CDH7: variants seen among roughly 807,000 people sequenced by gnomAD.
The protein encoded by CDH7 is cadherin-7.
A neutral mutation model predicts 71.8 loss-of-function variants in CDH7; 25 were observed. The ratio of observed to expected loss-of-function variants is 0.35; its 90% CI spans 0.25 to 0.49. The LOEUF is 0.49. Among genes scored for constraint, CDH7 ranks in the 20% least tolerant of loss-of-function variants. The pLI is 0.99. For missense variants in CDH7, 862 were observed against 974.6 expected, an observed-to-expected ratio of 0.88 and a Z score of 1.54; for synonymous variants, 381 against 363.8, an observed-to-expected ratio of 1.05 and a Z score of -0.54.
chr18:65,853,549 A>C (rs1913222785), intron 7 of CDH7, among the ~76,000 whole-genome samples: 1 of 151,550 alleles, frequency 6.6e-6, no homozygotes, highest in Admixed American at 6.6e-5. Flanking sequence ...GTTTTTTTGC[A>C]TGTCCAGAGG....
At chr18:65,833,265 A>G (rs1202753261) in intron 6 of CDH7, among the ~76,000 whole-genome samples, 1 of 152,156 alleles carries the variant, frequency 6.6e-6, no homozygotes, top group Non-Finnish European at 1.5e-5. Flanking sequence ...TTGTACTGAA[A>G]TGTGTCTTTT....
At chr18:65,828,158 T>G (rs1912200034) in intron 6 of CDH7, among the ~76,000 whole-genome samples, 1 of 152,030 alleles carries the variant, frequency 6.6e-6, no homozygotes. Flanking sequence ...ATTTTTATTA[T>G]CTGTTAATAT....
At chr18:65,857,093 T>G (rs1373589444) in intron 7 of CDH7, among the ~76,000 whole-genome samples, 1 of 151,128 alleles carries the variant, frequency 6.6e-6, no homozygotes, top group East Asian at 1.9e-4. Flanking sequence ...TATATGCAAA[T>G]GGGCAAGATG....
In CDH7 at chr18:65,845,450, G is replaced by T. The variant is rs1912903863; in HGVS notation, c.1235+1385G>T. Among the ~76,000 whole-genome samples the T allele has an allele frequency of 2.0e-5, 3 of 152,088 alleles. No homozygotes were observed. The South Asian group carries it at 6.2e-4, about 32-fold the overall frequency. Reference sequence around the variant, plus strand: ...TAGAATAAGCCTTCCCCTCTTCTCTGTAATTGCCCTGCCTTCATGGTCAAG... The same window carrying T: ...TAGAATAAGCCTTCCCCTCTTCTCTTTAATTGCCCTGCCTTCATGGTCAAG... On this transcript the variant is annotated intron_variant, in intron 7 of 11. Transcript: ENST00000397968.
rs1309862298 is a variant in CDH7, at chr18:65,822,752, C to T, written c.793+504C>T. 2.0e-5 allele frequency among the ~76,000 whole-genome samples: 3 copies of T among 151,758 alleles called. No individual in the cohort carries two copies. In the East Asian group the frequency reaches 5.8e-4, roughly 29 times the overall value. On this transcript the variant is annotated intron_variant, in intron 5 of 11. Transcript: ENST00000397968. The stretch of plus-strand genomic sequence containing the variant: ...ACACTGAACATTCCTTTAGCAGTTC[C>T]CCCACGTCTTTCTTGTGCAAACATT...
chr18:65,837,924 ATTT>A (rs67650944), intron 6 of CDH7, among the ~76,000 whole-genome samples: 1 of 133,320 alleles, frequency 7.5e-6, no homozygotes, highest in Non-Finnish European at 1.6e-5. Flanking sequence ...ATTTAGAGTA[ATTT>A]TTTTTTTTTT....
chr18:65,876,002 G>A (rs1914062394), intron 11 of CDH7, among the ~76,000 whole-genome samples: 1 of 152,142 alleles, frequency 6.6e-6, no homozygotes, highest in South Asian at 2.1e-4. Flanking sequence ...TTGTAAAATA[G>A]TTCGCAGTAG....
At chr18:65,849,778 T>C (rs1251678912) in intron 7 of CDH7, among the ~76,000 whole-genome samples, 2 of 152,156 alleles carry the variant, frequency 1.3e-5, no homozygotes, top group Non-Finnish European at 2.9e-5. Context: ...AAGACTTTCT[T>C]AGTTACCTTT....
intron 9 of CDH7, among the ~76,000 whole-genome samples, chr18:65,859,455 A>G (rs111747315): frequency 4.6e-5 from 7 of 152,156 alleles, no homozygotes; most frequent in Admixed American, 2.6e-4. Flanking sequence ...GTTTCCTGGG[A>G]TGTCTAATCA....
intron 6 of CDH7, among the ~76,000 whole-genome samples, chr18:65,835,587 C>A (rs1479836833): frequency 6.6e-6 from 1 of 152,152 alleles, no homozygotes; most frequent in Non-Finnish European, 1.5e-5. Context: ...TTCTGCTTCC[C>A]AGACAATGTA....
At chr18:65,797,568 A>G (rs1266091494) in intron 2 of CDH7, among the ~76,000 whole-genome samples, 1 of 152,174 alleles carries the variant, frequency 6.6e-6, no homozygotes, top group African/African-American at 2.4e-5. Context: ...CACCTGGGGC[A>G]GAGTATAGTC....
In CDH7 at chr18:65,791,409, A is replaced by G. The variant is rs533235285; in HGVS notation, c.211-18295A>G. On this transcript the variant is annotated intron_variant, in intron 2 of 11. Transcript: ENST00000397968. The stretch of plus-strand genomic sequence containing the variant: ...TTTAATATTATGTGGTTTGTAAGCT[A>G]TATTGTTTTACATTATTTCACTGGA... Among the ~76,000 whole-genome samples the G allele has an allele frequency of 3.7e-4, 57 of 152,310 alleles. 1 individual carries two copies. In the South Asian group the frequency reaches 0.011, roughly 30 times the overall value.
intron 2 of CDH7, among the ~76,000 whole-genome samples, chr18:65,778,645 T>C (rs1220274620): frequency 7.6e-6 from 1 of 130,826 alleles, no homozygotes; most frequent in East Asian, 2.2e-4. Flanking sequence ...ATAATGAAAG[T>C]TTGCATATAG....
chr18:65,854,947 A>G (rs1165093024), intron 7 of CDH7, among the ~76,000 whole-genome samples: 1 of 152,002 alleles, frequency 6.6e-6, no homozygotes, highest in Non-Finnish European at 1.5e-5. Context: ...ACACATATAT[A>G]TACACACACA....
intron 7 of CDH7, among the ~76,000 whole-genome samples, chr18:65,854,047 G>A (rs1398573056): frequency 2.0e-5 from 3 of 150,130 alleles, no homozygotes; most frequent in Middle Eastern, 3.4e-3. Context: ...GTTCAAGCCT[G>A]TAATCCTAAC....
chr18:65,849,011 A>T (rs1391331213), intron 7 of CDH7, among the ~76,000 whole-genome samples: 2 of 152,172 alleles, frequency 1.3e-5, no homozygotes, highest in African/African-American at 4.8e-5. Context: ...CACATATGAA[A>T]TCTAAATTAT....
At chr18:65,752,991 A>T (rs983545820) in intron 1 of CDH7, among the ~76,000 whole-genome samples, 2 of 152,188 alleles carry the variant, frequency 1.3e-5, no homozygotes, top group Non-Finnish European at 1.5e-5. Context: ...ATTTAATAGC[A>T]CAGAGCTTTT....
intron 7 of CDH7, among the ~76,000 whole-genome samples, chr18:65,847,252 A>T (rs1912966368): frequency 6.6e-6 from 1 of 152,134 alleles, no homozygotes; most frequent in Non-Finnish European, 1.5e-5. Context: ...AACAATTGTG[A>T]CCTTTGTGCT....
chr18:65,804,620 A>C (rs1911245224), intron 2 of CDH7, among the ~76,000 whole-genome samples: 1 of 151,944 alleles, frequency 6.6e-6, no homozygotes, highest in African/African-American at 2.4e-5. Context: ...AAAAATAAGG[A>C]GGGTAAAAAT....
Sources: allele counts gnomAD v4.1 joint callset (sites outside exome capture counted in the v4.1 genomes callset), GRCh38; gene constraint gnomAD v4.1.1; transcripts MANE v1.5; gene names NCBI Gene and HGNC (gene_info 2026-07-23, HGNC 2026-07-21).